PCDHAC1: variants seen among roughly 807,000 people sequenced by gnomAD.
The protein encoded by PCDHAC1 is protocadherin alpha subfamily C, 1, also known as protocadherin alpha-C1.
PCDHAC1 carries 42 observed loss-of-function variants against 60.0 expected under a neutral mutation model. The observed-to-expected ratio is 0.70, with a 90% CI of 0.55 to 0.90. The LOEUF (loss-of-function observed/expected upper bound fraction) is 0.90, where lower values mean the gene tolerates loss of function less well. PCDHAC1 is among the 40% of genes least tolerant of loss of function. The pLI, the probability that PCDHAC1 is intolerant of heterozygous loss-of-function variation, is 0.00. For missense variants in PCDHAC1, 1,160 were observed against 1,222.3 expected (o/e 0.95, Z 0.76); for synonymous variants, 468 against 499.3 (o/e 0.94, Z 0.84).
chr5:140,975,578 C>T (rs2096673039), intron 1 of PCDHAC1, among the ~76,000 whole-genome samples: 2 of 152,232 alleles, frequency 1.3e-5, no homozygotes, highest in Non-Finnish European at 2.9e-5. Flanking sequence ...TATGCAGTCT[C>T]ATGTCCCAGA....
chr5:140,967,453 C>A (rs782630345), intron 1 of PCDHAC1: 1 of 1,613,556 alleles, frequency 6.2e-7, no homozygotes, highest in Non-Finnish European at 8.5e-7. Context: ...TTCTCACAGC[C>A]GTGGATGGGG....
Position 140,926,516 on chromosome 5 carries a change from G to C in PCDHAC1, c.-377G>C. ...TGTCTCGGGGCGTCTCCCAGGCTCC[G>C]CCCTGCGCCCGCAGCCAGCGTGGTG... On this transcript the variant is annotated 5_prime_UTR_variant, in exon 1 of 4. Coordinates refer to ENST00000253807, the MANE Select transcript of PCDHAC1 (RefSeq NM_018898.5). 1 of 198,082 alleles carries C rather than the reference G, an allele frequency of 5.0e-6. No individual in the cohort carries two copies. The highest frequency in any genetic ancestry group is 1.0e-5 in the Non-Finnish European group (1 of 99,530). 12.3% of individuals were successfully genotyped at this position (198,082 alleles called of 1,614,324 possible). A position where few individuals can be genotyped will look rare whatever the true frequency, so the allele number is the denominator to read the frequency against.
In PCDHAC1 at chr5:140,982,530, C is replaced by G; in HGVS notation, c.2548C>G (p.Gln850Glu). The G allele has an allele frequency of 1.2e-6, 2 of 1,614,200 alleles. No homozygotes were observed. The highest frequency in any genetic ancestry group is 3.3e-5 in the Admixed American group (2 of 60,020). ...ILRAGPGGPDQQWPTVSSATP... is the reference protein window; with the variant it reads ...ILRAGPGGPDEQWPTVSSATP... ...ACGGGCTGGTCCAGGAGGGCCTGATCAGCAGTGGCCAACAGTATCCAGTGC... is the reference window on the plus strand; with the variant it reads ...ACGGGCTGGTCCAGGAGGGCCTGATGAGCAGTGGCCAACAGTATCCAGTGC... The change falls in exon 3 of 4, where the codon CAG (glutamine) becomes GAG (glutamate). Residue 850 changes from glutamine to glutamate, a missense_variant. By Grantham distance (29) the Gln-to-Glu change is conservative. Transcript: ENST00000253807.
rs782151576 is a variant in PCDHAC1 at position 140,927,106 on chromosome 5, A to C, written c.214A>C (p.Ser72Arg). The C allele has an allele frequency of 6.2e-7, 1 of 1,613,678 alleles. No individual in the cohort carries two copies. Among genetic ancestry groups the C allele is most frequent in the Non-Finnish European group, 8.5e-7 (1 of 1,179,786 alleles). ...RELYFGVDLP[S>R]GNLVVREPAD... ...GCTCTACTTCGGGGTGGATCTACCC[A>C]GCGGCAATTTGGTGGTCAGAGAGCC... Residue 72 changes from serine to arginine, a missense_variant, in exon 1 of 4, where the codon AGC (serine) becomes CGC (arginine). Physicochemically the swap from Ser to Arg is moderately radical, Grantham distance 110 (BLOSUM62 -1). Transcript: ENST00000253807.
intron 1 of PCDHAC1, among the ~76,000 whole-genome samples, chr5:140,959,379 A>T (rs2095484732): frequency 6.6e-6 from 1 of 152,176 alleles, no homozygotes; most frequent in Admixed American, 6.5e-5. Context: ...GTCTCAAAAA[A>T]AAAAGTCACA....
intron 1 of PCDHAC1, among the ~76,000 whole-genome samples, chr5:140,963,204 AAACCTCGTGTT>A (rs2095746581): frequency 6.6e-6 from 1 of 152,104 alleles, no homozygotes; most frequent in South Asian, 2.1e-4. Context: ...ATGAAAAAAA[AAACCTCGTGTT>A]TAGAGTAGAC....
At chr5:140,995,155 A>T (rs2097666869) in intron 3 of PCDHAC1, among the ~76,000 whole-genome samples, 2 of 152,194 alleles carry the variant, frequency 1.3e-5, no homozygotes, top group Non-Finnish European at 2.9e-5. Flanking sequence ...CTTTATATAC[A>T]TTATGTTCTT....
At chr5:140,966,758 C>T in intron 1 of PCDHAC1, 1 of 1,445,334 alleles carries the variant, frequency 6.9e-7, no homozygotes, top group South Asian at 1.5e-5. Flanking sequence ...TCCGCCGCGG[C>T]CAGTGGCTAT....
intron 1 of PCDHAC1, chr5:140,968,520 C>A: frequency 6.2e-7 from 1 of 1,614,194 alleles, no homozygotes; most frequent in Non-Finnish European, 8.5e-7. Flanking sequence ...CCTACCTCAA[C>A]CAACTCGTCA....
chr5:140,927,360 T>G lies in PCDHAC1; in HGVS notation c.468T>G (p.Asn156Lys). Residue 156 changes from asparagine to lysine, a missense_variant, in exon 1 of 4, where the codon AAT becomes AAG. Around this residue, in one of 3 missense-constraint regions of PCDHAC1, gnomAD observed 1,113 missense variants for 1,163.7 expected, o/e 0.96. Transcript: ENST00000253807. The part of the protein sequence containing the change: ...PNAQDDDEGS[N>K]GILSYSLSPS... ...CCCAAGATGACGACGAGGGAAGCAA[T>G]GGGATACTAAGCTACAGCCTAAGCC... 6.2e-7 allele frequency: 1 copy of G among 1,613,972 alleles called. No homozygotes were observed. The highest frequency in any genetic ancestry group is 8.5e-7 in the Non-Finnish European group (1 of 1,179,866).
intron 3 of PCDHAC1, among the ~76,000 whole-genome samples, chr5:141,002,946 G>A (rs2098104148): frequency 6.6e-6 from 1 of 152,180 alleles, no homozygotes; most frequent in African/African-American, 2.4e-5. Flanking sequence ...TCCAGCACAT[G>A]CCCCTCTGAG....
At chr5:140,968,641 C>T (rs782760741) in intron 1 of PCDHAC1, 12 of 1,614,006 alleles carry the variant, frequency 7.4e-6, no homozygotes, top group East Asian at 4.5e-5. Context: ...ACCATCTAGC[C>T]CAGACTTCTG....
At chr5:140,941,406 T>C (rs1381146519) in intron 1 of PCDHAC1, among the ~76,000 whole-genome samples, 1 of 146,240 alleles carries the variant, frequency 6.8e-6, no homozygotes, top group Non-Finnish European at 1.5e-5. Context: ...AACCTCCGCC[T>C]CCCGGGTTCA....
rs1214485732 is a variant in PCDHAC1, at chr5:141,010,285, C to T, written c.*348C>T. On this transcript the variant is annotated 3_prime_UTR_variant, in exon 4 of 4. Coordinates refer to ENST00000253807, the MANE Select transcript of PCDHAC1 (RefSeq NM_018898.5). The stretch of plus-strand genomic sequence containing the variant: ...CTCCGGGGATCCTGTCTTGATGACA[C>T]TTGCAGGGCAGGCTGAAAAGTTTTG... The T allele has an allele frequency of 1.3e-6, 2 of 1,550,458 alleles. No homozygotes were observed. The highest frequency in any genetic ancestry group is 1.7e-6 in the Non-Finnish European group (2 of 1,146,698).
At chr5:140,992,605 A>C (rs2097521923) in intron 3 of PCDHAC1, among the ~76,000 whole-genome samples, 1 of 152,166 alleles carries the variant, frequency 6.6e-6, no homozygotes, top group South Asian at 2.1e-4. Flanking sequence ...TCTGTGTCTA[A>C]GTGAAAGCAG....
intron 1 of PCDHAC1, among the ~76,000 whole-genome samples, chr5:140,937,469 T>C (rs1322050073): frequency 6.6e-6 from 1 of 152,210 alleles, no homozygotes; most frequent in Non-Finnish European, 1.5e-5. Flanking sequence ...ATACAAAAAT[T>C]AGCTGGACAT....
At chr5:140,967,560 A>C (rs2096156699) in intron 1 of PCDHAC1, 2 of 1,613,966 alleles carry the variant, frequency 1.2e-6, no homozygotes, top group Non-Finnish European at 1.7e-6. Context: ...TATCGCGTCC[A>C]GCTACGGGAG....
intron 1 of PCDHAC1, among the ~76,000 whole-genome samples, chr5:140,972,533 T>C (rs2096540643): frequency 6.6e-6 from 1 of 152,134 alleles, no homozygotes; most frequent in African/African-American, 2.4e-5. Flanking sequence ...ATTTCATAAA[T>C]CACTTGTGCA....
At chr5:140,981,338 G>A (rs1563488090) in intron 2 of PCDHAC1, among the ~76,000 whole-genome samples, 1 of 152,100 alleles carries the variant, frequency 6.6e-6, no homozygotes, top group Non-Finnish European at 1.5e-5. Context: ...CTTTGGGAGG[G>A]TGAGGCAGGT....
Sources: gnomAD v4.1 joint callset for allele counts (sites outside exome capture counted in the v4.1 genomes callset) on GRCh38, gnomAD v4.1.1 for gene constraint, gnomAD v4.1.1 regional missense constraint, MANE v1.5 for transcripts, NCBI Gene and HGNC (gene_info 2026-07-23, HGNC 2026-07-21) for gene names.